The following TLL2 variants were observed in gnomAD, a reference collection of about 807,000 sequenced individuals.
TLL2 encodes the protein tolloid-like protein 2.
A neutral mutation model predicts 123.0 loss-of-function variants in TLL2; 106 were observed. The observed-to-expected ratio is 0.86, with a 90% CI of 0.74 to 1.01. The LOEUF is 1.01. TLL2 is among the 50% of genes least tolerant of loss of function. The pLI, the probability that TLL2 is intolerant of heterozygous loss-of-function variation, is 0.00. For missense variants in TLL2, 1,332 were observed against 1,336.7 expected (o/e 1.00, Z 0.06); for synonymous variants, 494 against 516.8 (o/e 0.96, Z 0.60).
At chr10:96,418,884 A>AG (rs1483405791) in intron 7 of TLL2, among the ~76,000 whole-genome samples, 9 of 151,190 alleles carry the variant, frequency 6.0e-5, no homozygotes, top group African/African-American at 2.2e-4. Flanking sequence ...TAAATTAAAA[A>AG]GCAATATGAA....
intron 4 of TLL2, among the ~76,000 whole-genome samples, chr10:96,431,779 G>A (rs1436371430): frequency 6.6e-6 from 1 of 152,220 alleles, no homozygotes; most frequent in Non-Finnish European, 1.5e-5. Flanking sequence ...AGGGTCTGGG[G>A]ACAGGGAGGC....
At chr10:96,394,468 A>C (rs1408161978) in intron 13 of TLL2, among the ~76,000 whole-genome samples, 1 of 152,204 alleles carries the variant, frequency 6.6e-6, no homozygotes, top group Non-Finnish European at 1.5e-5. Context: ...CGGTCTGCCC[A>C]TGCCATTCTG....
At chr10:96,458,587 C>CAAAAAAAA in intron 2 of TLL2, among the ~76,000 whole-genome samples, 1 of 45,998 alleles carries the variant, frequency 2.2e-5, no homozygotes, top group Non-Finnish European at 3.8e-5. Flanking sequence ...GACTTCGTCT[C>CAAAAAAAA]AAAAAAAAAA....
chr10:96,420,065 A>G (rs527510849), intron 7 of TLL2, among the ~76,000 whole-genome samples: 1 of 152,204 alleles, frequency 6.6e-6, no homozygotes, highest in African/African-American at 2.4e-5. Context: ...CCTATTATTT[A>G]TCATTTTTAT....
intron 1 of TLL2, among the ~76,000 whole-genome samples, chr10:96,511,513 C>T (rs183286318): frequency 2.2e-3 from 329 of 152,376 alleles, no homozygotes; most frequent in Non-Finnish European, 2.3e-3. Flanking sequence ...GCCATATCCT[C>T]TGCCTTCCAG....
rs565970694 is a variant in TLL2, at chr10:96,386,674, C to A, written c.1852+279G>T. Among the ~76,000 whole-genome samples, 7 of 152,290 alleles carry A rather than the reference C, an allele frequency of 4.6e-5. No homozygotes were observed. In the East Asian group the frequency reaches 1.3e-3, roughly 29 times the overall value. ...CACAGTTTTTCTTTGCTTTTGTTTC[C>A]TACTTTAATAATCATGTCAATTTCA... On this transcript the variant is annotated intron_variant, in intron 14 of 20. Coordinates refer to ENST00000357947, the MANE Select transcript of TLL2 (RefSeq NM_012465.4).
intron 9 of TLL2, 123 bp from the exon 10 acceptor site, chr10:96,405,457 G>A (rs1450564357): frequency 4.8e-6 from 4 of 825,084 alleles, no homozygotes; most frequent in Non-Finnish European, 8.0e-6. Context: ...ACCACGGTAG[G>A]AGTGTTGTCT....
At chr10:96,393,191 C>T (rs1846304977) in intron 13 of TLL2, among the ~76,000 whole-genome samples, 1 of 152,228 alleles carries the variant, frequency 6.6e-6, no homozygotes, top group Non-Finnish European at 1.5e-5. Flanking sequence ...TGTTAGACTT[C>T]TGACCTCCAC....
chr10:96,424,372 C>T (rs2134077088), intron 5 of TLL2, among the ~76,000 whole-genome samples: 1 of 152,254 alleles, frequency 6.6e-6, no homozygotes. Context: ...CCCCATTCTC[C>T]ATGATGTGAT....
chr10:96,477,504 A>G (rs1402650099), intron 2 of TLL2, among the ~76,000 whole-genome samples: 1 of 151,950 alleles, frequency 6.6e-6, no homozygotes, highest in East Asian at 1.9e-4. Context: ...GTGAATGCCC[A>G]GCTCCCCACT....
intron 2 of TLL2, among the ~76,000 whole-genome samples, chr10:96,463,367 C>T (rs1021482633): frequency 3.3e-5 from 5 of 152,230 alleles, no homozygotes; most frequent in Non-Finnish European, 7.3e-5. Context: ...AGAAAGGGGC[C>T]GGTCCTGGCC....
At chr10:96,394,707 G>A (rs750775850) in intron 13 of TLL2, among the ~76,000 whole-genome samples, 4 of 152,128 alleles carry the variant, frequency 2.6e-5, no homozygotes, top group Non-Finnish European at 4.4e-5. Flanking sequence ...GAATTAGGCC[G>A]ACTGAATTAG....
intron 13 of TLL2, among the ~76,000 whole-genome samples, 166 bp from the exon 14 acceptor site, chr10:96,387,244 G>T (rs2134058691): frequency 6.6e-6 from 1 of 152,326 alleles, no homozygotes; most frequent in East Asian, 1.9e-4. Flanking sequence ...AAACCAGGCA[G>T]CAGCTACAGT....
intron 16 of TLL2, among the ~76,000 whole-genome samples, chr10:96,383,278 G>A (rs1231588558): frequency 6.6e-6 from 1 of 152,204 alleles, no homozygotes; most frequent in Non-Finnish European, 1.5e-5. Context: ...AGTGGGTTTA[G>A]TAGTGTCTTC....
intron 2 of TLL2, among the ~76,000 whole-genome samples, chr10:96,459,872 G>C (rs909523871): frequency 1.7e-4 from 25 of 150,796 alleles, no homozygotes; most frequent in Non-Finnish European, 3.0e-4. Flanking sequence ...ATTTAGAACT[G>C]GGGGGTATCA....
At chr10:96,397,893 G>A (rs1011479519) in intron 10 of TLL2, among the ~76,000 whole-genome samples, 1 of 152,178 alleles carries the variant, frequency 6.6e-6, no homozygotes, top group Non-Finnish European at 1.5e-5. Flanking sequence ...AGAGCAGCAG[G>A]GAGCCCCTAA....
intron 10 of TLL2, among the ~76,000 whole-genome samples, chr10:96,402,651 A>T (rs1338662563): frequency 6.6e-6 from 1 of 152,174 alleles, no homozygotes; most frequent in Admixed American, 6.5e-5. Context: ...CCTGCAGTAG[A>T]CGTGCTCCTG....
At chr10:96,414,736 A>G (rs1846537698) in intron 7 of TLL2, among the ~76,000 whole-genome samples, 1 of 151,772 alleles carries the variant, frequency 6.6e-6, no homozygotes, top group South Asian at 2.1e-4. Context: ...TCAAAACCAA[A>G]TTTATCACAA....
rs761523021 is a variant in TLL2 at position 96,384,649 on chromosome 10, C to G, written c.2132G>C (p.Arg711Pro). 1.1e-5 allele frequency: 17 copies of G among 1,612,386 alleles called. No individual in the cohort carries two copies. The highest frequency in any genetic ancestry group is 4.5e-5 in the East Asian group (2 of 44,812). Residue 711 changes from arginine to proline, a missense_variant, in exon 16 of 21, where the codon CGC (arginine) becomes CCC (proline). Physicochemically the swap from Arg to Pro is moderately radical, Grantham distance 103. Transcript: ENST00000357947. ...GGTGTTGTCGGACTTGAACTCCACG[C>G]GCATGTTGTTGCTCTGCGAGGTGAT... The part of the protein sequence containing the change: ...EVITSQSNNM[R>P]VEFKSDNTVS...
Sources: allele counts gnomAD v4.1 joint callset (sites outside exome capture counted in the v4.1 genomes callset), GRCh38; gene constraint gnomAD v4.1.1; transcripts MANE v1.5; gene names NCBI Gene and HGNC (gene_info 2026-07-23, HGNC 2026-07-21).